ZNF385D: variants seen among roughly 807,000 people sequenced by gnomAD.
ZNF385D encodes zinc finger protein 659.
Under a neutral mutation model 35.8 loss-of-function variants are expected in ZNF385D, and 15 were observed. That is an observed-to-expected ratio of 0.42 (90% CI 0.28 to 0.64). The LOEUF is 0.64. ZNF385D is among the 30% of genes least tolerant of loss of function. The pLI, the probability that ZNF385D is intolerant of heterozygous loss-of-function variation, is 0.23. For synonymous variants in ZNF385D, 212 were observed against 186.8 expected, an observed-to-expected ratio of 1.13 and a Z score of -1.10; for missense variants, 474 against 494.6, an observed-to-expected ratio of 0.96 and a Z score of 0.39.
At chr3:21,777,010 T>A (rs2071314767) in intron 3 of ZNF385D, among the ~76,000 whole-genome samples, 1 of 151,958 alleles carries the variant, frequency 6.6e-6, no homozygotes, top group Non-Finnish European at 1.5e-5. Flanking sequence ...TCTAACTTTC[T>A]CTTGGCCCCC....
intron 3 of ZNF385D, among the ~76,000 whole-genome samples, chr3:21,865,546 T>G (rs1262546963): frequency 1.3e-5 from 2 of 152,160 alleles, no homozygotes; most frequent in Non-Finnish European, 1.5e-5. Flanking sequence ...ATATTGTCAA[T>G]GTGCATTCTT....
chr3:21,456,245 C>A (rs1441449946), intron 4 of ZNF385D, among the ~76,000 whole-genome samples: 2 of 152,014 alleles, frequency 1.3e-5, no homozygotes, highest in Admixed American at 6.5e-5. Flanking sequence ...GGTATATACC[C>A]AAAGGATTAT....
At chr3:21,952,006 C>T (rs1402224613) in intron 3 of ZNF385D, among the ~76,000 whole-genome samples, 1 of 151,514 alleles carries the variant, frequency 6.6e-6, no homozygotes, top group Non-Finnish European at 1.5e-5. Flanking sequence ...ATCTTCAGGA[C>T]CTAACTGACC....
At chr3:21,691,061 CCTTT>C (rs934149706) in intron 1 of ZNF385D, among the ~76,000 whole-genome samples, 1 of 151,832 alleles carries the variant, frequency 6.6e-6, no homozygotes, top group African/African-American at 2.4e-5. Flanking sequence ...CTCCTTTTTT[CCTTT>C]CTTTCCGCTC....
intron 2 of ZNF385D, among the ~76,000 whole-genome samples, chr3:22,263,451 A>C (rs146727973): frequency 6.6e-6 from 1 of 151,988 alleles, no homozygotes; most frequent in African/African-American, 2.4e-5. Context: ...TTCTTTGACT[A>C]TTCCACCTGA....
chr3:22,235,807 A>G (rs1274532704), intron 2 of ZNF385D, among the ~76,000 whole-genome samples: 1 of 152,154 alleles, frequency 6.6e-6, no homozygotes, highest in African/African-American at 2.4e-5. Flanking sequence ...GTCTGGGAGG[A>G]GTGCAAATTG....
chr3:21,972,646 G>T (rs1391952633), intron 3 of ZNF385D, among the ~76,000 whole-genome samples: 1 of 151,464 alleles, frequency 6.6e-6, no homozygotes, highest in African/African-American at 2.4e-5. Flanking sequence ...ATGAAAAGTT[G>T]TTTTTTTGAA....
chr3:21,842,883 G>A (rs1695765764), intron 3 of ZNF385D, among the ~76,000 whole-genome samples: 1 of 152,028 alleles, frequency 6.6e-6, no homozygotes, highest in East Asian at 1.9e-4. Flanking sequence ...TTCCATTTAT[G>A]TCAAATAAAT....
At position 21,511,123 on chromosome 3, in the gene ZNF385D, C is replaced by T. The variant is rs897946997; in HGVS notation, c.277-100G>A. The T allele has an allele frequency of 1.1e-5, 16 of 1,449,616 alleles. No individual in the cohort carries two copies. In the South Asian group the frequency reaches 2.0e-4, roughly 18 times the overall value. 89.8% of individuals were successfully genotyped at this position (1,449,616 alleles called of 1,614,324 possible). ...CAGACTCCCTTTCAATAACAGGTAC[C>T]ATTCGAGCTAATTCTGGCCGTGGCC... On this transcript the variant is annotated intron_variant, in intron 3 of 7. Transcript: ENST00000281523.
intron 3 of ZNF385D, among the ~76,000 whole-genome samples, chr3:22,069,576 A>G (rs766425220): frequency 2.6e-5 from 4 of 152,226 alleles, no homozygotes; most frequent in East Asian, 1.9e-4. Context: ...TGGCATAAGT[A>G]TATCTGTGTT....
At chr3:21,973,876 G>A (rs1049720684) in intron 3 of ZNF385D, among the ~76,000 whole-genome samples, 1 of 151,836 alleles carries the variant, frequency 6.6e-6, no homozygotes, top group Non-Finnish European at 1.5e-5. Flanking sequence ...AAAGGTGAAA[G>A]ATCTCTACAA....
intron 1 of ZNF385D, among the ~76,000 whole-genome samples, chr3:21,714,477 C>T (rs2068235308): frequency 1.3e-5 from 2 of 152,284 alleles, no homozygotes; most frequent in South Asian, 2.1e-4. Context: ...TCTGTGCCTA[C>T]CTACTCTACC....
At chr3:22,073,414 A>T (rs1031663691) in intron 3 of ZNF385D, among the ~76,000 whole-genome samples, 7 of 151,604 alleles carry the variant, frequency 4.6e-5, no homozygotes, top group Non-Finnish European at 5.9e-5. Context: ...ATTTCTCCAT[A>T]TTTATTGCTT....
chr3:22,273,231 G>T (rs1418977482), intron 2 of ZNF385D, among the ~76,000 whole-genome samples: 2 of 151,906 alleles, frequency 1.3e-5, no homozygotes, highest in Non-Finnish European at 2.9e-5. Context: ...TTTGTGTTTG[G>T]TCTTATTGAT....
intron 3 of ZNF385D, among the ~76,000 whole-genome samples, chr3:22,161,087 GC>G (rs1277376607): frequency 6.6e-6 from 1 of 151,848 alleles, no homozygotes; most frequent in Non-Finnish European, 1.5e-5. Flanking sequence ...TAATGTTAAA[GC>G]TTTTCCATTA....
chr3:21,440,695 T>C (rs1287605576), intron 4 of ZNF385D, among the ~76,000 whole-genome samples: 1 of 152,174 alleles, frequency 6.6e-6, no homozygotes, highest in Non-Finnish European at 1.5e-5. Flanking sequence ...AACTTTCTGA[T>C]ATATTCTTGA....
rs945059737 is a variant in ZNF385D at position 22,169,018 on chromosome 3, C to T, written c.124G>A (p.Asp42Asn). Residue 42 changes from aspartate (D) to asparagine (N), a missense_variant, in exon 3 of 6, where the codon GAT (aspartate) becomes AAT (asparagine). Asp to Asn is a conservative substitution (Grantham distance 23). Transcript: ENST00000494108. ...ATTAATTCAGCCTCACTCTCGCCAT[C>T]GTGTACACAGGTGAAATCTGAGGGT... 14 of 985,618 alleles carry T rather than the reference C, an allele frequency of 1.4e-5. No individual in the cohort carries two copies. In the African/African-American group the frequency reaches 1.6e-4, roughly 11 times the overall value. The allele number at this position is 985,618 out of a possible 1,614,324, so 61.1% of individuals were successfully genotyped here.
chr3:21,519,543 C>G (rs567186637), intron 3 of ZNF385D, among the ~76,000 whole-genome samples: 1 of 152,270 alleles, frequency 6.6e-6, no homozygotes, highest in South Asian at 2.1e-4. Context: ...CAGCTATCTC[C>G]TTGAACTCTA....
intron 3 of ZNF385D, among the ~76,000 whole-genome samples, chr3:21,779,974 A>G (rs530654874): frequency 7.9e-5 from 12 of 152,088 alleles, no homozygotes; most frequent in Non-Finnish European, 1.6e-4. Context: ...GCATTGTCTT[A>G]CAAGGCTGCC....
Sources: gnomAD v4.1 joint callset for allele counts (sites outside exome capture counted in the v4.1 genomes callset) on GRCh38, gnomAD v4.1.1 for gene constraint, MANE v1.5 for transcripts, NCBI Gene and HGNC (gene_info 2026-07-23, HGNC 2026-07-21) for gene names.